The following DYRK1A variants were observed in gnomAD, a reference collection of about 807,000 sequenced individuals.
The protein encoded by DYRK1A is dual specificity tyrosine phosphorylation regulated kinase 1A.
A neutral mutation model predicts 79.7 loss-of-function variants in DYRK1A; 9 were observed. The observed-to-expected ratio is 0.11, with a 90% CI of 0.07 to 0.20. The LOEUF (loss-of-function observed/expected upper bound fraction) is 0.20. DYRK1A is among the 10% of genes least tolerant of loss of function. DYRK1A has a pLI of 1.00. For synonymous variants in DYRK1A, 349 were observed against 329.7 expected (o/e 1.06, Z -0.63); for missense variants, 622 against 956.0 (o/e 0.65, Z 4.61).
chr21:37,490,111 A>C (rs963729796), intron 6 of DYRK1A, 64 bp from the exon 7 acceptor site: 1 of 1,427,550 alleles, frequency 7.0e-7, no homozygotes, highest in African/African-American at 1.4e-5. Context: ...TTGAGAGTGC[A>C]TGTGTTTGTT....
chr21:37,437,925 A>G (rs1043047851), intron 2 of DYRK1A, among the ~76,000 whole-genome samples: 1 of 152,210 alleles, frequency 6.6e-6, no homozygotes, highest in African/African-American at 2.4e-5. Context: ...GAAACTGCTA[A>G]ATGGTTTTAC....
chr21:37,497,248 T>G (rs1432110831), intron 9 of DYRK1A, among the ~76,000 whole-genome samples: 10 of 152,218 alleles, frequency 6.6e-5, no homozygotes, highest in Non-Finnish European at 1.3e-4. Context: ...ACTTTTAATA[T>G]CAGATGATTT....
chr21:37,366,103 C>A (rs891264547), upstream of DYRK1A: 1 of 151,902 alleles, frequency 6.6e-6, no homozygotes, highest in Non-Finnish European at 1.5e-5. Context: ...CCCGCCAGCC[C>A]TTCGAAGAAC....
rs34646709 is a variant in DYRK1A, at chr21:37,501,166, G to GTTTTTTTTTTTTTTT, written c.1213-4108_1213-4094dup. ...TTATATGTTTTTTTTGTTGTTGTTG[G>GTTTTTTTTTTTTTTT]TTTTTTTTTTTTTTTTTTTTTTTAA... On this transcript the variant is annotated intron_variant, in intron 9 of 11. Coordinates refer to ENST00000647188, the MANE Select transcript of DYRK1A (RefSeq NM_001347721.2). Among the ~76,000 whole-genome samples the GTTTTTTTTTTTTTTT allele has an allele frequency of 7.8e-4, 73 of 93,974 alleles. 10 individuals carry two copies. Among genetic ancestry groups the GTTTTTTTTTTTTTTT allele is most frequent in the African/African-American group, 3.3e-3 (70 of 21,358 alleles). 61.7% of individuals were successfully genotyped at this position (93,974 alleles called of 152,430 possible).
intron 9 of DYRK1A, among the ~76,000 whole-genome samples, chr21:37,501,166 GTTTTTTTT>G (rs34646709): frequency 4.3e-5 from 4 of 93,978 alleles, no homozygotes; most frequent in Non-Finnish European, 6.2e-5. Context: ...GTTGTTGTTG[GTTTTTTTT>G]TTTTTTTTTT....
At chr21:37,379,250 G>A in intron 1 of DYRK1A, among the ~76,000 whole-genome samples, 1 of 151,998 alleles carries the variant, frequency 6.6e-6, no homozygotes, top group East Asian at 1.9e-4. Context: ...TGGAAGGCAG[G>A]ACCATTCTAG....
Position 37,490,297 on chromosome 21 carries a change from C to A in DYRK1A, c.760C>A (p.Arg254=). The part of the protein sequence containing the change: ...NFRGVSLNLT[R]KFAQQMCTAL... ...CCGAGGGGTCTCTTTGAACCTAACA[C>A]GAAAGTTTGCGCAACAGATGTGCAC... Residue 254 remains arginine, a synonymous_variant, in exon 7 of 12, where the codon CGA becomes AGA. Transcript: ENST00000647188. 6.2e-7 allele frequency: 1 copy of A among 1,613,788 alleles called. No homozygotes were observed. The highest frequency in any genetic ancestry group is 8.5e-7 in the Non-Finnish European group (1 of 1,179,760).
chr21:37,526,347 T>C lies in DYRK1A; in HGVS notation c.*13816T>C, dbSNP rs1231031555. The C allele has an allele frequency of 6.6e-6, 1 of 152,208 alleles. No homozygotes were observed. Among genetic ancestry groups the C allele is most frequent in the East Asian group, 1.9e-4 (1 of 5,198 alleles). The allele number at this position is 152,208 out of a possible 1,614,324, so 9.4% of individuals were successfully genotyped here. ...ATAAATGTGTTTTATGTAATAAATATGCTAAGCTAAACATCTTATGCTCAT... is the reference window on the plus strand; with the variant it reads ...ATAAATGTGTTTTATGTAATAAATACGCTAAGCTAAACATCTTATGCTCAT... On this transcript the variant is annotated 3_prime_UTR_variant, in exon 12 of 12. Transcript: ENST00000647188.
At chr21:37,422,971 T>C (rs2298329) in intron 2 of DYRK1A, among the ~76,000 whole-genome samples, 31,077 of 152,072 alleles carry the variant, frequency 0.2, 3,422 homozygotes, top group East Asian at 0.36. Flanking sequence ...TTGGATTTTC[T>C]TTTGATTTTT....
intron 1 of DYRK1A, among the ~76,000 whole-genome samples, chr21:37,409,040 A>G (rs1010731194): frequency 2.0e-5 from 3 of 152,134 alleles, no homozygotes; most frequent in Non-Finnish European, 2.9e-5. Context: ...GGGAGACAGC[A>G]CTGGCATTGG....
chr21:37,478,198 C>T lies in DYRK1A; in HGVS notation c.208-10C>T. Reference sequence around the variant, plus strand: ...TATTTAAGGTGATGCCTGATATTGTCATGTTACAGAGGCGGATGCCCCAAA... The same window carrying T: ...TATTTAAGGTGATGCCTGATATTGTTATGTTACAGAGGCGGATGCCCCAAA... On this transcript the variant is annotated splice_polypyrimidine_tract_variant and intron_variant, in intron 3 of 11. Transcript: ENST00000647188. 6.2e-7 allele frequency: 1 copy of T among 1,613,964 alleles called. No homozygotes were observed. The highest frequency in any genetic ancestry group is 8.5e-7 in the Non-Finnish European group (1 of 1,179,950).
intron 1 of DYRK1A, among the ~76,000 whole-genome samples, chr21:37,390,025 G>T (rs913078645): frequency 1.3e-5 from 2 of 151,664 alleles, no homozygotes; most frequent in African/African-American, 2.4e-5. Flanking sequence ...CTGGGCTCAA[G>T]TGATCCTCCT....
intron 9 of DYRK1A, chr21:37,505,079 A>G (rs904313960): frequency 3.7e-6 from 2 of 545,952 alleles, no homozygotes; most frequent in Non-Finnish European, 6.4e-6. Flanking sequence ...CTTTATAGCC[A>G]TTTTTGGTCT....
intron 3 of DYRK1A, among the ~76,000 whole-genome samples, chr21:37,473,924 T>A (rs1309286401): frequency 6.6e-6 from 1 of 152,184 alleles, no homozygotes; most frequent in Non-Finnish European, 1.5e-5. Flanking sequence ...AGTGTTTAAT[T>A]GTGTACCAGA....
rs902730504 is a variant in DYRK1A, at chr21:37,430,759, A to G, written c.10+10375A>G. ...CTAGTCCTGGTGCAGGTGGCTTGGTATCCTCACAGGCATTTCTTTGGCCTC... is the reference window on the plus strand; with the variant it reads ...CTAGTCCTGGTGCAGGTGGCTTGGTGTCCTCACAGGCATTTCTTTGGCCTC... On this transcript the variant is annotated intron_variant, in intron 2 of 11. Transcript: ENST00000647188. Among the ~76,000 whole-genome samples, 6 of 152,132 alleles carry G rather than the reference A, an allele frequency of 3.9e-5. No homozygotes were observed. The South Asian group carries it at 6.2e-4, about 16-fold the overall frequency.
chr21:37,503,020 AT>A (rs2053496420), intron 9 of DYRK1A: 1 of 151,548 alleles, frequency 6.6e-6, no homozygotes, highest in South Asian at 2.1e-4. Context: ...TGCATATAAT[AT>A]TTTCCCCCTC....
At chr21:37,370,186 T>TA (rs1333733301) in intron 1 of DYRK1A, among the ~76,000 whole-genome samples, 1 of 152,228 alleles carries the variant, frequency 6.6e-6, no homozygotes, top group Non-Finnish European at 1.5e-5. Flanking sequence ...AAATTCAAGA[T>TA]ACCTTGTTAT....
intron 2 of DYRK1A, among the ~76,000 whole-genome samples, chr21:37,466,523 C>T (rs2052030662): frequency 6.6e-6 from 1 of 151,870 alleles, no homozygotes; most frequent in South Asian, 2.1e-4. Flanking sequence ...AAGAGATAAA[C>T]CTAAAATACA....
At chr21:37,403,661 ATATGTG>A (rs1481560842) in intron 1 of DYRK1A, among the ~76,000 whole-genome samples, 5,255 of 113,060 alleles carry the variant, frequency 0.046, 144 homozygotes, top group Middle Eastern at 0.096. Flanking sequence ...ATATATATAT[ATATGTG>A]TGTGTGTGTG....
Sources: gnomAD v4.1 joint callset for allele counts (sites outside exome capture counted in the v4.1 genomes callset) on GRCh38, gnomAD v4.1.1 for gene constraint, MANE v1.5 for transcripts, NCBI Gene and HGNC (gene_info 2026-07-23, HGNC 2026-07-21) for gene names.